The following LRRC4C variants were observed in gnomAD, a reference collection of about 807,000 sequenced individuals.
The protein encoded by LRRC4C is leucine rich repeat containing 4C.
A neutral mutation model predicts 33.6 loss-of-function variants in LRRC4C; 5 were observed. The ratio of observed to expected loss-of-function variants is 0.15; its 90% CI spans 0.08 to 0.31. The LOEUF (loss-of-function observed/expected upper bound fraction) is 0.31. Ranked by LOEUF, LRRC4C falls within the 10% of genes least tolerant of loss-of-function variation. The pLI, the probability that LRRC4C is intolerant of heterozygous loss-of-function variation, is 1.00. For synonymous variants in LRRC4C, 329 were observed against 302.0 expected, an observed-to-expected ratio of 1.09 and a Z score of -0.93; for missense variants, 560 against 796.7, an observed-to-expected ratio of 0.70 and a Z score of 3.58.
At chr11:40,370,395 A>C (rs1948401803) in intron 3 of LRRC4C, among the ~76,000 whole-genome samples, 1 of 152,346 alleles carries the variant, frequency 6.6e-6, no homozygotes, top group South Asian at 2.1e-4. Context: ...TGATCAGGGA[A>C]GATGTTATTT....
chr11:40,545,932 C>A (rs190262695), intron 3 of LRRC4C, among the ~76,000 whole-genome samples: 2 of 152,096 alleles, frequency 1.3e-5, no homozygotes, highest in African/African-American at 2.4e-5. Flanking sequence ...TGGTACATTA[C>A]CAACCCTGAG....
chr11:40,539,712 A>T (rs1286444177), intron 3 of LRRC4C, among the ~76,000 whole-genome samples: 1 of 152,130 alleles, frequency 6.6e-6, no homozygotes, highest in Non-Finnish European at 1.5e-5. Context: ...ATTGGTTTGT[A>T]ATCTGGTAGA....
chr11:40,559,560 T>A (rs1334027101), intron 3 of LRRC4C, among the ~76,000 whole-genome samples: 3 of 152,168 alleles, frequency 2.0e-5, no homozygotes, highest in Admixed American at 6.5e-5. Context: ...GGTGGGATGG[T>A]AGTTCTGCTT....
At chr11:40,838,020 C>A (rs1485594704) in intron 2 of LRRC4C, among the ~76,000 whole-genome samples, 1 of 152,006 alleles carries the variant, frequency 6.6e-6, no homozygotes, top group Non-Finnish European at 1.5e-5. Flanking sequence ...TCTACTAGTG[C>A]CAAAATAATC....
intron 2 of LRRC4C, among the ~76,000 whole-genome samples, chr11:40,843,480 T>C (rs1189077643): frequency 1.3e-5 from 2 of 152,306 alleles, no homozygotes; most frequent in African/African-American, 4.8e-5. Context: ...CCAAGTTAAC[T>C]AATCAATGTC....
chr11:40,659,477 T>C (rs1276163028), intron 2 of LRRC4C, among the ~76,000 whole-genome samples: 1 of 152,046 alleles, frequency 6.6e-6, no homozygotes, highest in Admixed American at 6.5e-5. Context: ...GAGTCAGAGC[T>C]CATGGTGCTT....
At chr11:40,734,262 A>G (rs989188983) in intron 2 of LRRC4C, among the ~76,000 whole-genome samples, 4 of 152,218 alleles carry the variant, frequency 2.6e-5, no homozygotes, top group South Asian at 2.1e-4. Context: ...CCTGTAAGCC[A>G]AAAACAATGT....
intron 1 of LRRC4C, among the ~76,000 whole-genome samples, chr11:41,217,827 A>C (rs973797169): frequency 2.0e-5 from 3 of 152,162 alleles, no homozygotes; most frequent in Non-Finnish European, 4.4e-5. Flanking sequence ...TTGCACTTCT[A>C]CCCTGCATTA....
At chr11:40,820,356 C>A (rs1442724689) in intron 2 of LRRC4C, among the ~76,000 whole-genome samples, 1 of 151,636 alleles carries the variant, frequency 6.6e-6, no homozygotes, top group Admixed American at 6.6e-5. Context: ...AATTCTCGAG[C>A]TGAAAAGCTC....
intron 4 of LRRC4C, among the ~76,000 whole-genome samples, chr11:40,301,321 C>A (rs1379970843): frequency 6.6e-6 from 1 of 152,082 alleles, no homozygotes; most frequent in Non-Finnish European, 1.5e-5. Context: ...TTAAATGTTT[C>A]TAAGGGAGAA....
In LRRC4C at chr11:40,874,858, C is replaced by T. The variant is rs113361556; in HGVS notation, c.-407+58777G>A. Among the ~76,000 whole-genome samples the T allele has an allele frequency of 1.4e-4, 21 of 152,152 alleles. 1 individual carries two copies. The highest frequency in any genetic ancestry group is 9.8e-4 in the Admixed American group (15 of 15,264). Reference sequence around the variant, plus strand: ...TGCTAGCAGTCTGGAGGGAAGACACCGCTGTTTTTCCCTAAGGAGATACTG... The same window carrying T: ...TGCTAGCAGTCTGGAGGGAAGACACTGCTGTTTTTCCCTAAGGAGATACTG... On this transcript the variant is annotated intron_variant, in intron 2 of 6. Transcript: ENST00000528697.
chr11:40,665,518 A>G (rs1349731834), intron 2 of LRRC4C, among the ~76,000 whole-genome samples: 2 of 151,330 alleles, frequency 1.3e-5, no homozygotes, highest in Non-Finnish European at 2.9e-5. Context: ...CTGCCAAGGC[A>G]TACCATGACT....
chr11:41,002,386 T>C (rs747114729), intron 1 of LRRC4C, among the ~76,000 whole-genome samples: 7 of 152,166 alleles, frequency 4.6e-5, no homozygotes, highest in Non-Finnish European at 1.0e-4. Context: ...CATCTTGCCA[T>C]TGGATCCACA....
chr11:40,424,496 A>C (rs1341080739), intron 3 of LRRC4C, among the ~76,000 whole-genome samples: 1 of 152,176 alleles, frequency 6.6e-6, no homozygotes, highest in Non-Finnish European at 1.5e-5. Flanking sequence ...GTTATTTTCA[A>C]AGAAATAGTA....
At chr11:41,311,580 A>G (rs1302333311) in intron 1 of LRRC4C, among the ~76,000 whole-genome samples, 1 of 152,220 alleles carries the variant, frequency 6.6e-6, no homozygotes, top group African/African-American at 2.4e-5. Context: ...ACTCATGCAT[A>G]AAGTCAGCCA....
At chr11:41,022,533 A>C (rs1383250159) in intron 1 of LRRC4C, among the ~76,000 whole-genome samples, 1 of 151,882 alleles carries the variant, frequency 6.6e-6, no homozygotes, top group Non-Finnish European at 1.5e-5. Context: ...TCATTATGTA[A>C]ATTAGACCTA....
At chr11:41,177,769 C>G (rs1945269731) in intron 1 of LRRC4C, among the ~76,000 whole-genome samples, 1 of 152,148 alleles carries the variant, frequency 6.6e-6, no homozygotes, top group South Asian at 2.1e-4. Context: ...AGAAGTATTC[C>G]AAAGTGCCTT....
chr11:41,090,381 T>C (rs1940324471), intron 1 of LRRC4C, among the ~76,000 whole-genome samples: 2 of 152,132 alleles, frequency 1.3e-5, no homozygotes, highest in Admixed American at 6.6e-5. Flanking sequence ...TGGTTTTATC[T>C]CTGTTTTCTC....
At chr11:41,286,806 G>A (rs1431408853) in intron 1 of LRRC4C, among the ~76,000 whole-genome samples, 1 of 152,028 alleles carries the variant, frequency 6.6e-6, no homozygotes, top group African/African-American at 2.4e-5. Flanking sequence ...AGGAGGAAGA[G>A]GAGGCAAGGA....
Sources: allele counts gnomAD v4.1 joint callset (sites outside exome capture counted in the v4.1 genomes callset), GRCh38; gene constraint gnomAD v4.1.1; transcripts MANE v1.5; gene names NCBI Gene and HGNC (gene_info 2026-07-23, HGNC 2026-07-21).